NOX4: variants seen among roughly 807,000 people sequenced by gnomAD.
NOX4 encodes NADPH oxidase 4, also known as kidney oxidase-1.
NOX4 carries 69 observed loss-of-function variants against 87.6 expected under a neutral mutation model. That is an observed-to-expected ratio of 0.79 (90% confidence interval 0.65 to 0.96). NOX4 has a LOEUF of 0.96. Ranked by LOEUF, NOX4 falls within the 40% of genes least tolerant of loss-of-function variation. The pLI is 0.00. For synonymous variants in NOX4, 275 were observed against 238.2 expected (o/e 1.15, Z -1.42); for missense variants, 680 against 681.5 (o/e 1.00, Z 0.02).
rs11452819 is a variant in NOX4, at chr11:89,479,009, T to TAA, written c.153+11447_153+11448dup. 2.7e-3 allele frequency among the ~76,000 whole-genome samples: 387 copies of TAA among 142,228 alleles called. 3 individuals carry two copies. The highest frequency in any genetic ancestry group is 7.2e-3 in the African/African-American group (284 of 39,210). The allele number at this position is 142,228 out of a possible 152,430, so 93.3% of individuals were successfully genotyped here. On this transcript the variant is annotated intron_variant, in intron 2 of 17. Transcript: ENST00000263317. ...AATGAGATCCTGTTTTGTTTCATCT[T>TAA]AAAAAAAAAAAAAATGAAATGTGGC...
chr11:89,452,944 T>C (rs149725632), intron 2 of NOX4, among the ~76,000 whole-genome samples: 145 of 152,232 alleles, frequency 9.5e-4, no homozygotes, highest in African/African-American at 2.6e-3. Context: ...CTCTGAAGAC[T>C]GGCACAGGAG....
At chr11:89,409,317 C>T (rs1942354131) in intron 8 of NOX4, among the ~76,000 whole-genome samples, 1 of 152,024 alleles carries the variant, frequency 6.6e-6, no homozygotes, top group Admixed American at 6.6e-5. Context: ...AAGTTCCCTG[C>T]AGAAAAACTG....
chr11:89,583,065 C>A, the NOX4 span, among the ~76,000 whole-genome samples: 13 of 152,200 alleles, frequency 8.5e-5, no homozygotes, highest in Admixed American at 8.5e-4. Context: ...AATACACAAT[C>A]AAAATAACAC....
chr11:89,463,444 A>T (rs1430968202), intron 2 of NOX4, among the ~76,000 whole-genome samples: 1 of 152,010 alleles, frequency 6.6e-6, no homozygotes, highest in Non-Finnish European at 1.5e-5. Flanking sequence ...AGATGGGGTC[A>T]TATCTGTATA....
the NOX4 span, among the ~76,000 whole-genome samples, chr11:89,508,323 TTGAC>T: frequency 1.6e-4 from 24 of 152,202 alleles, no homozygotes; most frequent in South Asian, 8.3e-4. Flanking sequence ...GTGTCACTCT[TTGAC>T]TGACCTGTGG....
upstream of NOX4, chr11:89,491,516 C>T (rs572324518): frequency 2.1e-5 from 10 of 469,496 alleles, no homozygotes; most frequent in South Asian, 2.3e-4. Flanking sequence ...TCTGAGCGCG[C>T]GGCCCAGGCT....
chr11:89,562,913 A>G, the NOX4 span, among the ~76,000 whole-genome samples: 1 of 152,002 alleles, frequency 6.6e-6, no homozygotes, highest in Non-Finnish European at 1.5e-5. Flanking sequence ...TATTGAGGGG[A>G]TTTTCCCCCA....
chr11:89,480,607 T>C (rs1946356058), intron 2 of NOX4, among the ~76,000 whole-genome samples: 1 of 152,058 alleles, frequency 6.6e-6, no homozygotes, highest in Admixed American at 6.6e-5. Context: ...ATAGACTTCA[T>C]GTTAGGTGCT....
At chr11:89,445,927 T>C (rs1944681743) in intron 4 of NOX4, among the ~76,000 whole-genome samples, 1 of 152,048 alleles carries the variant, frequency 6.6e-6, no homozygotes, top group African/African-American at 2.4e-5. Context: ...CATGAGAAGA[T>C]AAGCCACAGA....
Position 89,451,898 on chromosome 11 carries a change from G to T in NOX4, c.154-3C>A. 1 of 1,599,324 alleles carries T rather than the reference G, an allele frequency of 6.3e-7. No homozygotes were observed. Among genetic ancestry groups the T allele is most frequent in the South Asian group, 1.1e-5 (1 of 90,778 alleles). ...GCTCTGCTTAGACACAATCCTAGCT[G>T]AACAAATAAGGCAAGGTCAGCACAC... On this transcript the variant is annotated splice_region_variant and splice_polypyrimidine_tract_variant and intron_variant, in intron 2 of 17. Transcript: ENST00000263317.
rs145409032 is a variant in NOX4, at chr11:89,438,317, C to T, written c.475+2371G>A. ...AAAATATTTTGAGATGTTAAACTTG[C>T]TTATATATAGTATATATCATTATAT... is the stretch of plus-strand genomic sequence containing the variant. On this transcript the variant is annotated intron_variant, in intron 6 of 17. Coordinates refer to ENST00000263317, the MANE Select transcript of NOX4 (RefSeq NM_016931.5). Among the ~76,000 whole-genome samples, 101 of 118,244 alleles carry T rather than the reference C, an allele frequency of 8.5e-4. 1 individual carries two copies. Among genetic ancestry groups the T allele is most frequent in the African/African-American group, 3.2e-3 (98 of 30,318 alleles). The allele number at this position is 118,244 out of a possible 152,430, so 77.6% of individuals were successfully genotyped here. A position where few individuals can be genotyped will look rare whatever the true frequency, so the allele number is the denominator to read the frequency against.
At chr11:89,418,422 GAATAATAATAATAAT>G (rs113480992) in intron 8 of NOX4, among the ~76,000 whole-genome samples, 3,247 of 139,730 alleles carry the variant, frequency 0.023, 134 homozygotes, top group African/African-American at 0.08. Flanking sequence ...TGAACATTGA[GAATAATAATAATAAT>G]AATAATAATA....
intron 11 of NOX4, among the ~76,000 whole-genome samples, chr11:89,379,449 A>G (rs1349295448): frequency 2.0e-5 from 3 of 152,118 alleles, no homozygotes; most frequent in Non-Finnish European, 2.9e-5. Context: ...ATCACCAGCC[A>G]TGTAACTACT....
At chr11:89,390,841 A>G (rs1451711027) in intron 11 of NOX4, among the ~76,000 whole-genome samples, 2 of 152,184 alleles carry the variant, frequency 1.3e-5, no homozygotes, top group Non-Finnish European at 2.9e-5. Context: ...TTAGAGAGAA[A>G]TAAGCACCAT....
chr11:89,584,923 T>C, the NOX4 span, among the ~76,000 whole-genome samples: 2 of 152,196 alleles, frequency 1.3e-5, no homozygotes, highest in Non-Finnish European at 2.9e-5. Context: ...TTTTGGTTTG[T>C]GGTCTAGCAA....
At chr11:89,559,551 C>T in the NOX4 span, among the ~76,000 whole-genome samples, 1 of 151,938 alleles carries the variant, frequency 6.6e-6, no homozygotes, top group African/African-American at 2.4e-5. Flanking sequence ...CATATGAATA[C>T]AAGTATTTTA....
At chr11:89,578,285 C>G in the NOX4 span, among the ~76,000 whole-genome samples, 1 of 151,958 alleles carries the variant, frequency 6.6e-6, no homozygotes, top group South Asian at 2.1e-4. Flanking sequence ...CCTCAGCTTC[C>G]TGAGTAGCCG....
the NOX4 span, among the ~76,000 whole-genome samples, chr11:89,505,589 GC>G: frequency 1.3e-5 from 2 of 151,736 alleles, no homozygotes; most frequent in East Asian, 3.9e-4. Flanking sequence ...TGGCTAGAGT[GC>G]AGTTACTGAG....
the NOX4 span, among the ~76,000 whole-genome samples, chr11:89,517,573 T>C: frequency 3.9e-5 from 6 of 152,028 alleles, no homozygotes; most frequent in South Asian, 1.2e-3. Flanking sequence ...ATTATTGGGC[T>C]CAAGTGATTC....
Sources: allele counts gnomAD v4.1 joint callset (sites outside exome capture counted in the v4.1 genomes callset), GRCh38; gene constraint gnomAD v4.1.1; transcripts MANE v1.5; gene names NCBI Gene and HGNC (gene_info 2026-07-23, HGNC 2026-07-21).